PHLPP1: variants seen among roughly 807,000 people sequenced by gnomAD.
PHLPP1 encodes PH domain leucine-rich repeat-containing protein phosphatase 1.
A neutral mutation model predicts 117.2 loss-of-function variants in PHLPP1; 42 were observed. The observed-to-expected ratio is 0.36, with a 90% CI of 0.28 to 0.46. The LOEUF (loss-of-function observed/expected upper bound fraction) is 0.46. Ranked by LOEUF, PHLPP1 falls within the 20% of genes least tolerant of loss-of-function variation. The probability of loss-of-function intolerance (pLI) is 1.00; values close to 1 mark genes in which losing one functional copy is unlikely to be tolerated. For missense variants in PHLPP1, 2,084 were observed against 2,241.9 expected, an observed-to-expected ratio of 0.93 and a Z score of 1.42; for synonymous variants, 1,042 against 970.7, an observed-to-expected ratio of 1.07 and a Z score of -1.37.
rs191264315 is a variant in PHLPP1 at position 62,979,251 on chromosome 18, G to A, written c.4974G>A (p.Pro1658=). The change falls in exon 17 of 17, where the codon CCG becomes CCA. Residue 1658 remains proline, a synonymous_variant. Coordinates refer to ENST00000262719, the MANE Select transcript of PHLPP1 (RefSeq NM_194449.4). The part of the protein sequence containing the change: ...PGGYFAAPAQ[P]DPDDQFIIPP... ...GCTATTTTGCTGCCCCGGCTCAGCCGGATCCTGATGATCAGTTTATCATAC... is the reference window on the plus strand; with the variant it reads ...GCTATTTTGCTGCCCCGGCTCAGCCAGATCCTGATGATCAGTTTATCATAC... 2.0e-5 allele frequency: 31 copies of A among 1,584,718 alleles called. No individual in the cohort carries two copies. Among genetic ancestry groups the A allele is most frequent in the East Asian group, 4.6e-5 (2 of 43,338 alleles).
intron 11 of PHLPP1, among the ~76,000 whole-genome samples, chr18:62,943,802 T>A (rs1369278275): frequency 6.6e-6 from 1 of 152,212 alleles, no homozygotes; most frequent in Non-Finnish European, 1.5e-5. Flanking sequence ...ATCCAAACCG[T>A]ATCACTATAT....
At chr18:62,926,958 G>A (rs566814000) in intron 10 of PHLPP1, among the ~76,000 whole-genome samples, 5 of 152,300 alleles carry the variant, frequency 3.3e-5, no homozygotes, top group African/African-American at 9.6e-5. Context: ...AGAAAAACTG[G>A]GGAAGAGAGA....
chr18:62,764,928 C>T (rs1912415227), intron 1 of PHLPP1, among the ~76,000 whole-genome samples: 2 of 152,238 alleles, frequency 1.3e-5, no homozygotes. Context: ...GGACACTTTA[C>T]TGTCGTCGTT....
At chr18:62,820,875 A>T (rs1008736586) in intron 1 of PHLPP1, among the ~76,000 whole-genome samples, 1 of 152,256 alleles carries the variant, frequency 6.6e-6, no homozygotes, top group African/African-American at 2.4e-5. Context: ...CAAGGCGAGA[A>T]CAAAATATTT....
At chr18:62,846,149 C>G (rs994464235) in intron 3 of PHLPP1, among the ~76,000 whole-genome samples, 1 of 139,546 alleles carries the variant, frequency 7.2e-6, no homozygotes, top group African/African-American at 2.7e-5. Context: ...GTAGAGGTTG[C>G]AGTGACCCAA....
chr18:62,978,068 C>T lies in PHLPP1; in HGVS notation c.3985-194C>T, dbSNP rs1911245041. Among the ~76,000 whole-genome samples, 1 of 152,156 alleles carries T rather than the reference C, an allele frequency of 6.6e-6. No individual in the cohort carries two copies. The highest frequency in any genetic ancestry group is 2.4e-5 in the African/African-American group (1 of 41,434). On this transcript the variant is annotated intron_variant, in intron 16 of 16. Transcript: ENST00000262719. This position sits in a 1 kb window ranked among gnomAD's most constrained non-coding sequence, Gnocchi z 7.0. ...CCTACTGCTCCTTACCTGCCCAGGC[C>T]TACTACCTGGGGTTTCTGATGACAG...
At chr18:62,819,308 A>C (rs1255184749) in intron 1 of PHLPP1, among the ~76,000 whole-genome samples, 1 of 152,240 alleles carries the variant, frequency 6.6e-6, no homozygotes, top group South Asian at 2.1e-4. Flanking sequence ...GAAGTGGTAT[A>C]ATATTACTTG....
intron 1 of PHLPP1, among the ~76,000 whole-genome samples, chr18:62,757,448 AT>A (rs1293884979): frequency 6.6e-6 from 1 of 152,002 alleles, no homozygotes; most frequent in East Asian, 1.9e-4. Context: ...GTGTGTTTTA[AT>A]TTTTCTCTTT....
chr18:62,880,554 G>A (rs890563753), intron 4 of PHLPP1, among the ~76,000 whole-genome samples: 1 of 151,724 alleles, frequency 6.6e-6, no homozygotes. Context: ...TCCTAGTGTG[G>A]CGGTTAATAT....
At chr18:62,927,834 CAACA>C (rs958512908) in intron 10 of PHLPP1, among the ~76,000 whole-genome samples, 3 of 151,412 alleles carry the variant, frequency 2.0e-5, no homozygotes, top group Admixed American at 6.6e-5. Flanking sequence ...ATTTTTTCAA[CAACA>C]AACAAAATAC....
At chr18:62,856,276 C>T (rs1301465565) in intron 3 of PHLPP1, among the ~76,000 whole-genome samples, 1 of 152,120 alleles carries the variant, frequency 6.6e-6, no homozygotes, top group East Asian at 1.9e-4. Flanking sequence ...TCCCATTTCA[C>T]TCACCTTAAA....
chr18:62,802,119 G>T (rs1490407732), intron 1 of PHLPP1, among the ~76,000 whole-genome samples: 1 of 152,160 alleles, frequency 6.6e-6, no homozygotes, highest in Non-Finnish European at 1.5e-5. Flanking sequence ...AGCAGAGGGG[G>T]TTATGAGGAT....
chr18:62,942,869 A>G (rs192611360), intron 11 of PHLPP1, among the ~76,000 whole-genome samples: 145 of 152,272 alleles, frequency 9.5e-4, no homozygotes, highest in African/African-American at 2.7e-3. Context: ...AGGCCCGTGT[A>G]TATGTTGACT....
intron 10 of PHLPP1, among the ~76,000 whole-genome samples, chr18:62,921,497 C>T (rs1333654896): frequency 6.6e-6 from 1 of 152,198 alleles, no homozygotes; most frequent in Non-Finnish European, 1.5e-5. Context: ...ACTCATCACA[C>T]ACTGTATTGT....
At chr18:62,872,118 A>G (rs1747153530) in intron 4 of PHLPP1, among the ~76,000 whole-genome samples, 2 of 152,242 alleles carry the variant, frequency 1.3e-5, no homozygotes, top group African/African-American at 4.8e-5. Context: ...GGAGAAAAGT[A>G]TACAGATTTT....
chr18:62,963,572 A>C (rs1910825188), intron 14 of PHLPP1, 100 bp downstream of exon 14: 4 of 751,246 alleles, frequency 5.3e-6, no homozygotes, highest in Admixed American at 2.8e-5. Context: ...CACTTTTCTC[A>C]TGTAAAATTT....
chr18:62,851,896 A>G (rs1915361702), intron 3 of PHLPP1, among the ~76,000 whole-genome samples: 1 of 150,128 alleles, frequency 6.7e-6, no homozygotes, highest in Non-Finnish European at 1.5e-5. Context: ...TTTTTTTTTG[A>G]GACAAGATCT....
intron 14 of PHLPP1, among the ~76,000 whole-genome samples, chr18:62,971,829 G>C (rs1911056171): frequency 1.3e-5 from 2 of 152,242 alleles, no homozygotes; most frequent in African/African-American, 2.4e-5. Context: ...TTAAGCTCAG[G>C]AGTTCGAGAC....
intron 4 of PHLPP1, among the ~76,000 whole-genome samples, chr18:62,864,269 A>C (rs1374171070): frequency 6.6e-6 from 1 of 152,010 alleles, no homozygotes; most frequent in African/African-American, 2.4e-5. Context: ...TAATCCACCC[A>C]CCTCGGCCTC....
Sources: gnomAD v4.1 joint callset for allele counts (sites outside exome capture counted in the v4.1 genomes callset) on GRCh38, gnomAD v4.1.1 for gene constraint, Gnocchi (gnomAD v3.1) non-coding constraint, MANE v1.5 for transcripts, NCBI Gene and HGNC (gene_info 2026-07-23, HGNC 2026-07-21) for gene names.